The following ARHGAP39 variants were observed in gnomAD, a reference collection of about 807,000 sequenced individuals.
The protein encoded by ARHGAP39 is rho GTPase-activating protein 39.
ARHGAP39 carries 44 observed loss-of-function variants against 106.9 expected under a neutral mutation model. The ratio of observed to expected loss-of-function variants is 0.41; its 90% confidence interval spans 0.32 to 0.53. The LOEUF is 0.53. ARHGAP39 is among the 20% of genes least tolerant of loss of function. ARHGAP39 has a pLI of 0.21. For synonymous variants in ARHGAP39, 768 were observed against 693.2 expected (o/e 1.11, Z -1.69); for missense variants, 1,496 against 1,577.3 (o/e 0.95, Z 0.87).
Position 144,579,062 on chromosome 8 carries a change from C to T in ARHGAP39, c.512+1784G>A, listed in dbSNP as rs1218173246. Reference sequence around the variant, plus strand: ...CTAAAAACACAAAAAATTAGCTGGGCGTGGTGGCAGGTGCCTGTAGTCCCA... The same window carrying T: ...CTAAAAACACAAAAAATTAGCTGGGTGTGGTGGCAGGTGCCTGTAGTCCCA... On this transcript the variant is annotated intron_variant, in intron 3 of 11. Transcript: ENST00000377307. Among the ~76,000 whole-genome samples the T allele has an allele frequency of 4.6e-5, 7 of 150,618 alleles. No homozygotes were observed. In the East Asian group the frequency reaches 1.4e-3, roughly 30 times the overall value.
intron 3 of ARHGAP39, among the ~76,000 whole-genome samples, chr8:144,562,045 T>C (rs866186141): frequency 8.3e-6 from 1 of 120,932 alleles, no homozygotes; most frequent in African/African-American, 4.2e-5. Flanking sequence ...CCATCGGACT[T>C]ACTCCAGTGG....
rs1822507789 is a variant in ARHGAP39 at position 144,684,104 on chromosome 8, G to A, written c.-82+1582C>T. On this transcript the variant is annotated intron_variant, in intron 1 of 11. Transcript: ENST00000377307. This position sits in a 1 kb window ranked among gnomAD's most constrained non-coding sequence, Gnocchi z 4.4. ...TCGCGACTCAGAGGCGGGCAGCCTG[G>A]CTCCAGAACCCGCCCTCCTGTCCAC... Among the ~76,000 whole-genome samples, 2 of 152,186 alleles carry A rather than the reference G, an allele frequency of 1.3e-5. No homozygotes were observed. Among genetic ancestry groups the A allele is most frequent in the Non-Finnish European group, 2.9e-5 (2 of 68,028 alleles).
At chr8:144,535,638 G>A (rs1816924973) in intron 7 of ARHGAP39, among the ~76,000 whole-genome samples, 1 of 152,328 alleles carries the variant, frequency 6.6e-6, no homozygotes, top group East Asian at 1.9e-4. Flanking sequence ...CGGCAGGGCT[G>A]GGCCTCCTGC....
intron 10 of ARHGAP39, among the ~76,000 whole-genome samples, chr8:144,531,128 C>A (rs2721170): frequency 0.084 from 12,592 of 150,506 alleles, 1,805 homozygotes; most frequent in African/African-American, 0.29. Flanking sequence ...TCTCAGGAGT[C>A]GTCTGTGTAG....
intron 1 of ARHGAP39, among the ~76,000 whole-genome samples, chr8:144,658,738 G>A (rs1821756059): frequency 6.6e-6 from 1 of 152,044 alleles, no homozygotes; most frequent in Non-Finnish European, 1.5e-5. Context: ...CACATTACCG[G>A]AGGTCCTAGC....
chr8:144,631,522 A>G (rs940304647), intron 1 of ARHGAP39, among the ~76,000 whole-genome samples: 1 of 152,198 alleles, frequency 6.6e-6, no homozygotes, highest in Non-Finnish European at 1.5e-5. Flanking sequence ...TAATCACACT[A>G]TCTGATGCTC....
intron 1 of ARHGAP39, among the ~76,000 whole-genome samples, chr8:144,678,373 CCTAGAG>C (rs1019797845): frequency 1.3e-5 from 2 of 152,160 alleles, no homozygotes; most frequent in African/African-American, 4.8e-5. Flanking sequence ...AAAAGCACCA[CCTAGAG>C]CACTACGAGA....
At chr8:144,594,124 T>A (rs1819509456) in intron 2 of ARHGAP39, among the ~76,000 whole-genome samples, 1 of 150,784 alleles carries the variant, frequency 6.6e-6, no homozygotes, top group Non-Finnish European at 1.5e-5. Context: ...ATACCCCAGT[T>A]TAAAGATGGG....
chr8:144,692,080 C>A, the ARHGAP39 span, among the ~76,000 whole-genome samples: 1 of 152,082 alleles, frequency 6.6e-6, no homozygotes, highest in African/African-American at 2.4e-5. Context: ...AAGCAGATGG[C>A]ATGAGGCTGA....
intron 1 of ARHGAP39, among the ~76,000 whole-genome samples, chr8:144,654,586 A>T (rs1821650439): frequency 6.6e-6 from 1 of 152,202 alleles, no homozygotes; most frequent in Non-Finnish European, 1.5e-5. Flanking sequence ...CGCTGGCTGC[A>T]GCAGGGAGGC....
chr8:144,698,803 GGTATCA>G, the ARHGAP39 span: 1 of 455,432 alleles, frequency 2.2e-6, no homozygotes, highest in African/African-American at 2.0e-5. Context: ...TGTTGGCTTG[GGTATCA>G]GTGGGGAGTG....
chr8:144,685,012 T>C (rs897580799), intron 1 of ARHGAP39, among the ~76,000 whole-genome samples: 2 of 151,960 alleles, frequency 1.3e-5, no homozygotes, highest in Non-Finnish European at 2.9e-5. Flanking sequence ...TTGTCCCCAC[T>C]CCGACGGCGC....
At position 144,547,197 on chromosome 8, in the gene ARHGAP39, A is replaced by G; in HGVS notation, c.1889T>C (p.Ile630Thr). Reference sequence around the variant, plus strand: ...CACGGAGACGCTCTTCTCCAGCAGGATCTGGGGGAAGCCTAGCTTCTCGAA... The same window carrying G: ...CACGGAGACGCTCTTCTCCAGCAGGGTCTGGGGGAAGCCTAGCTTCTCGAA... ...GTFEKLGFPQILLEKSVSVQT... is the reference protein window; with the variant it reads ...GTFEKLGFPQTLLEKSVSVQT... Residue 630 changes from isoleucine to threonine, a missense_variant, in exon 5 of 12, where the codon ATC becomes ACC. Transcript: ENST00000377307. The surrounding 1 kb of genome is among the most constrained non-coding windows in gnomAD (Gnocchi z 5.2). The G allele has an allele frequency of 1.2e-6, 2 of 1,612,350 alleles. No individual in the cohort carries two copies. Among genetic ancestry groups the G allele is most frequent in the Non-Finnish European group, 1.7e-6 (2 of 1,179,712 alleles).
At chr8:144,664,169 C>CA (rs1173185431) in intron 1 of ARHGAP39, among the ~76,000 whole-genome samples, 10 of 150,576 alleles carry the variant, frequency 6.6e-5, no homozygotes, top group East Asian at 1.9e-4. Context: ...TCTGTCCCCC[C>CA]AAAAAAAAGA....
At chr8:144,560,015 C>G (rs1194115952) in intron 3 of ARHGAP39, among the ~76,000 whole-genome samples, 1 of 152,246 alleles carries the variant, frequency 6.6e-6, no homozygotes, top group Non-Finnish European at 1.5e-5. Context: ...TGGTAGACAG[C>G]ACTAATATCT....
At chr8:144,691,369 A>G in the ARHGAP39 span, among the ~76,000 whole-genome samples, 1 of 152,162 alleles carries the variant, frequency 6.6e-6, no homozygotes, top group African/African-American at 2.4e-5. Context: ...CTAAAATGCC[A>G]ATGTCTTTGG....
intron 1 of ARHGAP39, among the ~76,000 whole-genome samples, chr8:144,674,624 T>C (rs1822184209): frequency 6.6e-6 from 1 of 152,194 alleles, no homozygotes; most frequent in South Asian, 2.1e-4. Flanking sequence ...ATCAGGGACC[T>C]GCCCCTTTTC....
upstream of ARHGAP39, among the ~76,000 whole-genome samples, chr8:144,689,813 T>G (rs1195380451): frequency 2.0e-5 from 3 of 149,102 alleles, no homozygotes; most frequent in Admixed American, 6.8e-5. Context: ...TGGCGTGATC[T>G]CAGCTCACCG....
intron 6 of ARHGAP39, among the ~76,000 whole-genome samples, chr8:144,543,697 G>A (rs1404952097): frequency 1.3e-5 from 2 of 152,234 alleles, no homozygotes; most frequent in African/African-American, 2.4e-5. Flanking sequence ...AAGGACAAAG[G>A]CACACGAGCC....
Sources: allele counts gnomAD v4.1 joint callset (sites outside exome capture counted in the v4.1 genomes callset), GRCh38; gene constraint gnomAD v4.1.1; non-coding constraint Gnocchi (gnomAD v3.1); transcripts MANE v1.5; gene names NCBI Gene and HGNC (gene_info 2026-07-23, HGNC 2026-07-21).